Variants in NAALADL2 observed in about 807,000 individuals in gnomAD.
NAALADL2 encodes the protein inactive N-acetylated-alpha-linked acidic dipeptidase-like protein 2.
Under a neutral mutation model 87.2 loss-of-function variants are expected in NAALADL2, and 76 were observed. That is an observed-to-expected ratio of 0.87 (90% CI 0.72 to 1.05). NAALADL2 has a LOEUF of 1.05. NAALADL2 is among the 50% of genes least tolerant of loss of function. The probability of loss-of-function intolerance (pLI) is 0.00; values close to 1 mark genes in which losing one functional copy is unlikely to be tolerated. For synonymous variants in NAALADL2, 354 were observed against 331.0 expected, an observed-to-expected ratio of 1.07 and a Z score of -0.75; for missense variants, 1,089 against 945.8, an observed-to-expected ratio of 1.15 and a Z score of -1.99.
intron 9 of NAALADL2, among the ~76,000 whole-genome samples, chr3:175,516,092 C>A (rs1582212394): frequency 6.6e-6 from 1 of 152,326 alleles, no homozygotes; most frequent in East Asian, 1.9e-4. Flanking sequence ...GCATGTGATA[C>A]ATTTGCCCCT....
chr3:175,013,029 T>TAATATATAC, intron 1 of NAALADL2, among the ~76,000 whole-genome samples: 1 of 88,532 alleles, frequency 1.1e-5, no homozygotes, highest in Non-Finnish European at 2.6e-5. Context: ...TATAAATATA[T>TAATATATAC]ATAAATATAT....
At chr3:175,422,660 T>C (rs535853577) in intron 5 of NAALADL2, among the ~76,000 whole-genome samples, 1 of 117,392 alleles carries the variant, frequency 8.5e-6, no homozygotes, top group South Asian at 3.2e-4. Context: ...CTAAAGAGAC[T>C]GCAGAGACAA....
chr3:174,566,165 C>A (rs1222026109), intron 2 of NAALADL2, among the ~76,000 whole-genome samples: 1 of 151,866 alleles, frequency 6.6e-6, no homozygotes, highest in African/African-American at 2.4e-5. Flanking sequence ...TCTTAGAACA[C>A]TTGGATCTTA....
intron 1 of NAALADL2, among the ~76,000 whole-genome samples, chr3:175,096,532 GTGTGTA>G (rs1721188294): frequency 8.4e-6 from 1 of 119,328 alleles, no homozygotes. Flanking sequence ...GTGTGTGTGT[GTGTGTA>G]ATTTTGTTTT....
At chr3:174,776,575 C>T (rs951184279) in intron 3 of NAALADL2, among the ~76,000 whole-genome samples, 10 of 152,064 alleles carry the variant, frequency 6.6e-5, no homozygotes, top group African/African-American at 2.4e-4. Flanking sequence ...CTCCATTAGC[C>T]ATGAAATTTG....
intron 12 of NAALADL2, among the ~76,000 whole-genome samples, chr3:175,754,289 C>T (rs190254250): frequency 4.6e-5 from 7 of 152,218 alleles, no homozygotes; most frequent in Admixed American, 2.0e-4. Flanking sequence ...TAAGTGGTAG[C>T]GCAGGGATTT....
intron 10 of NAALADL2, among the ~76,000 whole-genome samples, chr3:175,623,345 C>T (rs12496291): frequency 0.74 from 112,628 of 151,494 alleles, 42,442 homozygotes; most frequent in East Asian, 0.87. Context: ...ATAGTTAGTC[C>T]TGAACAGAGG....
intron 3 of NAALADL2, among the ~76,000 whole-genome samples, chr3:174,752,583 T>G (rs1389016658): frequency 6.6e-6 from 1 of 152,010 alleles, no homozygotes; most frequent in Non-Finnish European, 1.5e-5. Flanking sequence ...AATAGGCCAG[T>G]GATTTTTTTT....
chr3:174,987,812 T>TATATATATATAATTTTATATATATA (rs1553911297), intron 1 of NAALADL2, among the ~76,000 whole-genome samples: 7 of 120,074 alleles, frequency 5.8e-5, no homozygotes, highest in African/African-American at 3.2e-4. Flanking sequence ...ATATATATAA[T>TATATATATATAATTTTATATATATA]TATATATATA....
chr3:175,511,463 T>C (rs1463347362), intron 9 of NAALADL2, among the ~76,000 whole-genome samples: 1 of 152,150 alleles, frequency 6.6e-6, no homozygotes, highest in Non-Finnish European at 1.5e-5. Context: ...AAGGGCCACG[T>C]GGCAATACAG....
rs943835420 is a variant in NAALADL2, at chr3:175,786,791, C to T, written c.2190-16214C>T. Among the ~76,000 whole-genome samples, 150 of 152,144 alleles carry T rather than the reference C, an allele frequency of 9.9e-4. 2 individuals carry two copies. The highest frequency in any genetic ancestry group is 7.3e-3 in the Admixed American group (112 of 15,278). ...GAGGAGGAGGAGGAGAGGCGCTCTG[C>T]GTTTTAGAGTTTCCAGTTTTTCTGT... is the stretch of plus-strand genomic sequence containing the variant. On this transcript the variant is annotated intron_variant, in intron 13 of 13. Coordinates refer to ENST00000454872, the MANE Select transcript of NAALADL2 (RefSeq NM_207015.3).
intron 2 of NAALADL2, among the ~76,000 whole-genome samples, chr3:174,627,976 T>C (rs1033091702): frequency 3.3e-5 from 5 of 152,182 alleles, no homozygotes; most frequent in Non-Finnish European, 5.9e-5. Context: ...TGTAATACTA[T>C]GTATTGGGTA....
At chr3:174,636,462 AT>A in intron 2 of NAALADL2, among the ~76,000 whole-genome samples, 2 of 152,304 alleles carry the variant, frequency 1.3e-5, no homozygotes, top group Admixed American at 1.3e-4. Context: ...CAGTAAAAAT[AT>A]ACAAATAATA....
intron 13 of NAALADL2, among the ~76,000 whole-genome samples, chr3:175,801,650 A>C (rs1346370061): frequency 6.6e-6 from 1 of 152,094 alleles, no homozygotes; most frequent in African/African-American, 2.4e-5. Flanking sequence ...CCCAGTAGCA[A>C]TATATCATCT....
At chr3:175,192,606 G>A (rs1030561535) in intron 2 of NAALADL2, among the ~76,000 whole-genome samples, 1 of 151,894 alleles carries the variant, frequency 6.6e-6, no homozygotes, top group African/African-American at 2.4e-5. Context: ...GTAGAAAATT[G>A]TTAATTAATT....
intron 2 of NAALADL2, among the ~76,000 whole-genome samples, chr3:175,197,908 G>A (rs1739255478): frequency 6.6e-6 from 1 of 152,034 alleles, no homozygotes. Context: ...CTGCAACACA[G>A]TGCAGAACAG....
chr3:175,408,000 T>TA (rs1328543998), intron 5 of NAALADL2, among the ~76,000 whole-genome samples: 1 of 152,188 alleles, frequency 6.6e-6, no homozygotes, highest in Non-Finnish European at 1.5e-5. Context: ...AACATTGTTT[T>TA]AATAAAATCT....
At chr3:175,066,075 A>G (rs764122852) in intron 1 of NAALADL2, among the ~76,000 whole-genome samples, 1 of 152,180 alleles carries the variant, frequency 6.6e-6, no homozygotes, top group African/African-American at 2.4e-5. Context: ...TGCACTGCAG[A>G]GAACAAGTGG....
chr3:175,634,022 T>G (rs1728171774), intron 11 of NAALADL2, among the ~76,000 whole-genome samples: 1 of 151,866 alleles, frequency 6.6e-6, no homozygotes, highest in South Asian at 2.1e-4. Context: ...GTGTAAAGCC[T>G]GAAAATCAAG....
Sources: allele counts gnomAD v4.1 joint callset (sites outside exome capture counted in the v4.1 genomes callset), GRCh38; gene constraint gnomAD v4.1.1; transcripts MANE v1.5; gene names NCBI Gene and HGNC (gene_info 2026-07-23, HGNC 2026-07-21).